The following PRKCH variants were observed in gnomAD, a reference collection of about 807,000 sequenced individuals.
PRKCH encodes the protein protein kinase C eta.
A neutral mutation model predicts 82.5 loss-of-function variants in PRKCH; 28 were observed. The observed-to-expected ratio is 0.34, with a 90% CI of 0.25 to 0.47. The LOEUF (loss-of-function observed/expected upper bound fraction) is 0.47. Ranked by LOEUF, PRKCH falls within the 20% of genes least tolerant of loss-of-function variation. The pLI is 1.00. For missense variants in PRKCH, 705 were observed against 881.8 expected, an observed-to-expected ratio of 0.80 and a Z score of 2.54; for synonymous variants, 322 against 327.4, an observed-to-expected ratio of 0.98 and a Z score of 0.18.
chr14:61,355,194 C>T (rs182822314), intron 1 of PRKCH, among the ~76,000 whole-genome samples: 21 of 152,328 alleles, frequency 1.4e-4, no homozygotes, highest in Admixed American at 1.3e-4. Flanking sequence ...CCATACTCTG[C>T]AGCAGAAATG....
chr14:61,314,661 A>G (rs1354139833), intron 1 of PRKCH, among the ~76,000 whole-genome samples: 1 of 152,252 alleles, frequency 6.6e-6, no homozygotes, highest in Non-Finnish European at 1.5e-5. Context: ...GCAAATAGTC[A>G]TCGAAGGCTC....
intron 2 of PRKCH, among the ~76,000 whole-genome samples, chr14:61,440,745 G>A (rs1883921789): frequency 1.3e-5 from 2 of 152,198 alleles, no homozygotes; most frequent in African/African-American, 4.8e-5. Flanking sequence ...TTGGTGGTGT[G>A]CACCTGTAGT....
intron 1 of PRKCH, among the ~76,000 whole-genome samples, chr14:61,252,891 G>C (rs2044958725): frequency 6.6e-6 from 1 of 152,134 alleles, no homozygotes. Flanking sequence ...TCTGCAGCCT[G>C]ACGGTCACGC....
At chr14:61,315,531 C>T (rs1447983531) in intron 1 of PRKCH, among the ~76,000 whole-genome samples, 1 of 152,148 alleles carries the variant, frequency 6.6e-6, no homozygotes, top group Non-Finnish European at 1.5e-5. Flanking sequence ...GCCAAGGTAA[C>T]AGCTGAAGTG....
chr14:61,414,262 G>A (rs1882438280), intron 2 of PRKCH, among the ~76,000 whole-genome samples: 2 of 151,600 alleles, frequency 1.3e-5, no homozygotes, highest in South Asian at 4.2e-4. Context: ...CTCTCAATGG[G>A]CTTCATTTAA....
At chr14:61,350,479 T>G (rs1187249626) in intron 1 of PRKCH, among the ~76,000 whole-genome samples, 1 of 152,216 alleles carries the variant, frequency 6.6e-6, no homozygotes, top group African/African-American at 2.4e-5. Flanking sequence ...CTTGTCTGCT[T>G]GCTCCATACT....
intron 1 of PRKCH, among the ~76,000 whole-genome samples, chr14:61,263,096 C>T (rs773734218): frequency 6.6e-6 from 1 of 152,100 alleles, no homozygotes; most frequent in African/African-American, 2.4e-5. Context: ...TATGTGTTCA[C>T]GAGCCTGCCG....
intron 2 of PRKCH, among the ~76,000 whole-genome samples, chr14:61,426,366 TC>T (rs1883109455): frequency 6.6e-6 from 1 of 152,230 alleles, no homozygotes; most frequent in African/African-American, 2.4e-5. Context: ...GTCAGAATTT[TC>T]TTAGTTATTA....
intron 13 of PRKCH, 106 bp from the exon 14 acceptor site, chr14:61,549,579 C>A: frequency 8.1e-7 from 1 of 1,233,586 alleles, no homozygotes; most frequent in Non-Finnish European, 1.1e-6. Context: ...ACTGAACAAG[C>A]TACAGAGCAC....
intron 1 of PRKCH, among the ~76,000 whole-genome samples, chr14:61,208,545 T>C (rs1362554837): frequency 6.6e-6 from 1 of 152,176 alleles, no homozygotes; most frequent in Non-Finnish European, 1.5e-5. Context: ...AGTTATGAGA[T>C]TGAATTCCTT....
intron 1 of PRKCH, chr14:61,298,623 TTTAA>T (rs1261594368): frequency 6.6e-6 from 1 of 152,234 alleles, no homozygotes; most frequent in Non-Finnish European, 1.5e-5. Context: ...TTTTCATTAT[TTTAA>T]TTGAGGATAC....
rs140278228 is a variant in PRKCH at position 61,376,219 on chromosome 14, G to A, written c.364-15006G>A. Among the ~76,000 whole-genome samples, 264 of 152,094 alleles carry A rather than the reference G, an allele frequency of 1.7e-3. 1 individual carries two copies. The highest frequency in any genetic ancestry group is 5.7e-3 in the African/African-American group (238 of 41,492). ...TGAAGGTCTGCTCAGGGTAGCCAGC[G>A]TGCCTTTCCCAACACCCTTCTTTCT... On this transcript the variant is annotated intron_variant, in intron 1 of 13. Transcript: ENST00000332981.
At chr14:61,457,442 T>C (rs1432423136) in intron 8 of PRKCH, 64 bp from the exon 9 acceptor site, 1 of 1,594,104 alleles carries the variant, frequency 6.3e-7, no homozygotes, top group Non-Finnish European at 8.6e-7. Context: ...CTTCCTGTTG[T>C]GTGCACACAC....
chr14:61,381,692 C>T (rs1044397866), intron 1 of PRKCH, among the ~76,000 whole-genome samples: 2 of 152,232 alleles, frequency 1.3e-5, no homozygotes, highest in African/African-American at 2.4e-5. Context: ...AACCATCCAG[C>T]GGCACATCAG....
At chr14:61,377,217 C>T (rs747635221) in intron 1 of PRKCH, among the ~76,000 whole-genome samples, 5 of 152,246 alleles carry the variant, frequency 3.3e-5, no homozygotes, top group Non-Finnish European at 7.3e-5. Context: ...CCTCCCACCT[C>T]TCAGATTGTA....
chr14:61,190,105 A>G lies in PRKCH; in HGVS notation c.-19+2437A>G, dbSNP rs530929130. Among the ~76,000 whole-genome samples, 4 of 152,278 alleles carry G rather than the reference A, an allele frequency of 2.6e-5. No individual in the cohort carries two copies. The East Asian group carries it at 7.7e-4, about 29-fold the overall frequency. The stretch of plus-strand genomic sequence containing the variant: ...AAACAGAGTTAATAATGTCCAACCT[A>G]TAGGGTCATTGGGCTGATAAAATAT... On this transcript the variant is annotated intron_variant, in intron 1 of 3. Transcript: ENST00000555185.
chr14:61,294,399 C>T (rs1413916178), intron 1 of PRKCH, among the ~76,000 whole-genome samples: 6 of 151,994 alleles, frequency 3.9e-5, no homozygotes, highest in Admixed American at 3.3e-4. Context: ...GGATTACAGG[C>T]GTGAGCCTCC....
At chr14:61,390,921 T>C (rs1308070060) in intron 1 of PRKCH, 3 of 276,184 alleles carry the variant, frequency 1.1e-5, no homozygotes, top group Middle Eastern at 1.1e-3. Flanking sequence ...ATGCATAAGA[T>C]ATGGAGGTCT....
intron 9 of PRKCH, among the ~76,000 whole-genome samples, chr14:61,462,685 T>C (rs58797830): frequency 0.036 from 5,485 of 152,332 alleles, 340 homozygotes; most frequent in African/African-American, 0.12. Flanking sequence ...TTGCAGGCCC[T>C]GGCTTCTCAA....
Sources: allele counts gnomAD v4.1 joint callset (sites outside exome capture counted in the v4.1 genomes callset), GRCh38; gene constraint gnomAD v4.1.1; transcripts MANE v1.5; gene names NCBI Gene and HGNC (gene_info 2026-07-23, HGNC 2026-07-21).